The following N4BP1 variants were observed in gnomAD, a reference collection of about 807,000 sequenced individuals.
The protein encoded by N4BP1 is NEDD4-binding protein 1.
N4BP1 carries 21 observed loss-of-function variants against 70.9 expected under a neutral mutation model. The observed-to-expected ratio is 0.30, with a 90% confidence interval of 0.21 to 0.43. The LOEUF (loss-of-function observed/expected upper bound fraction) is 0.43. Ranked by LOEUF, N4BP1 falls within the 20% of genes least tolerant of loss-of-function variation. The pLI is 1.00. For synonymous variants in N4BP1, 387 were observed against 394.6 expected, an observed-to-expected ratio of 0.98 and a Z score of 0.23; for missense variants, 936 against 1,069.4, an observed-to-expected ratio of 0.88 and a Z score of 1.74.
intron 1 of N4BP1, among the ~76,000 whole-genome samples, chr16:48,594,425 GC>G (rs1471431817): frequency 6.6e-6 from 1 of 152,160 alleles, no homozygotes; most frequent in Non-Finnish European, 1.5e-5. Flanking sequence ...CACAATCTTG[GC>G]TCACTGCAAC....
intron 1 of N4BP1, among the ~76,000 whole-genome samples, chr16:48,572,268 A>C (rs1486848095): frequency 6.6e-6 from 1 of 152,234 alleles, no homozygotes; most frequent in Non-Finnish European, 1.5e-5. Flanking sequence ...TCTTGGAACG[A>C]AAGGACAGAA....
chr16:48,559,196 T>C (rs1416986474), intron 2 of N4BP1, among the ~76,000 whole-genome samples: 1 of 152,062 alleles, frequency 6.6e-6, no homozygotes, highest in Non-Finnish European at 1.5e-5. Context: ...AAAATCCTAA[T>C]AAAAAATTTA....
chr16:48,546,304 G>A (rs1963591842), intron 5 of N4BP1, 50 bp from the exon 6 acceptor site: 2 of 1,347,332 alleles, frequency 1.5e-6, no homozygotes, highest in African/African-American at 3.0e-5. Context: ...TCACTGCCCA[G>A]GGCCTGCGTA....
chr16:48,548,915 T>C (rs1378753357), intron 4 of N4BP1, among the ~76,000 whole-genome samples: 2 of 152,076 alleles, frequency 1.3e-5, no homozygotes, highest in Non-Finnish European at 1.5e-5. Flanking sequence ...GCCATTTTGT[T>C]TAGACTAAGT....
At chr16:48,545,919 C>T (rs371637490) in intron 6 of N4BP1, among the ~76,000 whole-genome samples, 7 of 151,318 alleles carry the variant, frequency 4.6e-5, no homozygotes, top group East Asian at 1.9e-4. Context: ...CCCAGCTCCT[C>T]GGGAGGCTAA....
intron 2 of N4BP1, among the ~76,000 whole-genome samples, chr16:48,558,494 G>A (rs1002637894): frequency 3.9e-5 from 6 of 152,200 alleles, no homozygotes; most frequent in Admixed American, 6.5e-5. Flanking sequence ...ATCCTGTCAC[G>A]GATAGGCAGC....
At chr16:48,609,201 A>C (rs892495013) in intron 1 of N4BP1, among the ~76,000 whole-genome samples, 1 of 152,178 alleles carries the variant, frequency 6.6e-6, no homozygotes, top group Non-Finnish European at 1.5e-5. Flanking sequence ...TGGGTGACAG[A>C]GTGAGACCCT....
chr16:48,569,759 G>T (rs557240487), intron 1 of N4BP1, among the ~76,000 whole-genome samples: 5 of 152,094 alleles, frequency 3.3e-5, no homozygotes, highest in African/African-American at 1.2e-4. Context: ...CTTGGATGGT[G>T]GTCTTTTTGT....
At chr16:48,605,191 C>T (rs1964560313) in intron 1 of N4BP1, among the ~76,000 whole-genome samples, 1 of 152,140 alleles carries the variant, frequency 6.6e-6, no homozygotes, top group Non-Finnish European at 1.5e-5. Context: ...CGCCACCCCA[C>T]CTGGCTAATT....
At chr16:48,586,750 A>C (rs1964251645) in intron 1 of N4BP1, among the ~76,000 whole-genome samples, 1 of 152,244 alleles carries the variant, frequency 6.6e-6, no homozygotes, top group Admixed American at 6.5e-5. Flanking sequence ...AGGATGTTAA[A>C]ACTAATTTCT....
chr16:48,576,500 C>T (rs1964096193), intron 1 of N4BP1, among the ~76,000 whole-genome samples: 1 of 152,198 alleles, frequency 6.6e-6, no homozygotes, highest in African/African-American at 2.4e-5. Context: ...ATCTGTAAAT[C>T]TCCACAATTT....
At chr16:48,594,504 G>A (rs1368437142) in intron 1 of N4BP1, among the ~76,000 whole-genome samples, 8 of 152,060 alleles carry the variant, frequency 5.3e-5, no homozygotes, top group African/African-American at 1.2e-4. Context: ...ATAGGTGTAC[G>A]CCACTACACC....
At chr16:48,603,162 ATAAG>A (rs1416013990) in intron 1 of N4BP1, among the ~76,000 whole-genome samples, 3 of 152,180 alleles carry the variant, frequency 2.0e-5, no homozygotes, top group Non-Finnish European at 2.9e-5. Flanking sequence ...CCATAAATAC[ATAAG>A]TAAAAACTGG....
chr16:48,599,524 T>C (rs1453912502), intron 1 of N4BP1, among the ~76,000 whole-genome samples: 2 of 152,228 alleles, frequency 1.3e-5, no homozygotes, highest in Non-Finnish European at 2.9e-5. Flanking sequence ...CACTGTTTTT[T>C]CAGCACCTGT....
At chr16:48,583,665 C>T (rs1461080716) in intron 1 of N4BP1, among the ~76,000 whole-genome samples, 1 of 152,216 alleles carries the variant, frequency 6.6e-6, no homozygotes, top group African/African-American at 2.4e-5. Context: ...ACAATTTTAT[C>T]TGTCAATTTA....
At position 48,546,896 on chromosome 16, in the gene N4BP1, G is replaced by A. The variant is rs117329408; in HGVS notation, c.2226-642C>T. ...GCATTTAAACCCTCCATGCATACAT[G>A]GATGAGTGTCAATAAATACTGACAA... On this transcript the variant is annotated intron_variant, in intron 5 of 6. Coordinates refer to ENST00000262384, the MANE Select transcript of N4BP1 (RefSeq NM_153029.4). Among the ~76,000 whole-genome samples, 140 of 152,268 alleles carry A rather than the reference G, an allele frequency of 9.2e-4. 4 individuals carry two copies. The East Asian group carries it at 0.016, about 18-fold the overall frequency.
chr16:48,582,885 A>G (rs562000888), intron 1 of N4BP1, among the ~76,000 whole-genome samples: 1 of 152,210 alleles, frequency 6.6e-6, no homozygotes, highest in African/African-American at 2.4e-5. Flanking sequence ...GGAATTTGAG[A>G]ACAGGCTGAG....
intron 4 of N4BP1, among the ~76,000 whole-genome samples, chr16:48,550,472 A>G (rs1963649905): frequency 6.6e-6 from 1 of 151,840 alleles, no homozygotes; most frequent in Non-Finnish European, 1.5e-5. Flanking sequence ...CCAAGATTGT[A>G]CCATTGCACT....
chr16:48,589,503 A>G (rs1010553236), intron 1 of N4BP1, among the ~76,000 whole-genome samples: 4 of 152,114 alleles, frequency 2.6e-5, no homozygotes, highest in African/African-American at 9.7e-5. Context: ...GAGGGTATGG[A>G]AGCTCTAAGC....
Sources: allele counts gnomAD v4.1 joint callset (sites outside exome capture counted in the v4.1 genomes callset), GRCh38; gene constraint gnomAD v4.1.1; transcripts MANE v1.5; gene names NCBI Gene and HGNC (gene_info 2026-07-23, HGNC 2026-07-21).